The following GPM6A variants were observed in gnomAD, a reference collection of about 807,000 sequenced individuals.
The protein encoded by GPM6A is neuronal membrane glycoprotein M6-a.
Under a neutral mutation model 32.1 loss-of-function variants are expected in GPM6A, and 7 were observed. The observed-to-expected ratio is 0.22, with a 90% confidence interval of 0.12 to 0.41. GPM6A has a LOEUF of 0.41. Ranked by LOEUF, GPM6A falls within the 10% of genes least tolerant of loss-of-function variation. The probability of loss-of-function intolerance (pLI) is 1.00; values close to 1 mark genes in which losing one functional copy is unlikely to be tolerated. For synonymous variants in GPM6A, 130 were observed against 123.4 expected, an observed-to-expected ratio of 1.05 and a Z score of -0.35; for missense variants, 235 against 347.2, an observed-to-expected ratio of 0.68 and a Z score of 2.57.
At chr4:175,649,551 A>C (rs1482667109) in intron 4 of GPM6A, among the ~76,000 whole-genome samples, 1 of 152,148 alleles carries the variant, frequency 6.6e-6, no homozygotes, top group Non-Finnish European at 1.5e-5. Flanking sequence ...CTACTTAACT[A>C]TTTGCATTTA....
Position 175,988,833 on chromosome 4 carries a change from G to C in GPM6A, c.-23+13476C>G, listed in dbSNP as rs111289028. Among the ~76,000 whole-genome samples, 777 of 152,280 alleles carry C rather than the reference G, an allele frequency of 5.1e-3. 7 individuals carry two copies. The highest frequency in any genetic ancestry group is 0.017 in the African/African-American group (718 of 41,572). ...AAAGATTATACCCAATGTAGCGTGA[G>C]GGGCAGGCTCATTACTCTGATTTGT... is the stretch of plus-strand genomic sequence containing the variant. On this transcript the variant is annotated intron_variant, in intron 1 of 7. Coordinates refer to the GPM6A transcript ENST00000280187.
intron 1 of GPM6A, among the ~76,000 whole-genome samples, chr4:175,718,204 G>A (rs1046207573): frequency 1.3e-5 from 2 of 152,048 alleles, no homozygotes; most frequent in African/African-American, 4.8e-5. Flanking sequence ...AATGAGAACA[G>A]AATCCCCTAC....
At position 175,838,756 on chromosome 4, in the gene GPM6A, C is replaced by T. The variant is rs147552477; in HGVS notation, c.-22-26507G>A. 6.8e-5 allele frequency among the ~76,000 whole-genome samples: 10 copies of T among 146,214 alleles called. No homozygotes were observed. In the East Asian group the frequency reaches 1.4e-3, roughly 21 times the overall value. ...CAGAACCTTTACCTCCTGATTCAGG[C>T]GATTCTCGTGCCTCAGCCTCCCAAG... is the stretch of plus-strand genomic sequence containing the variant. On this transcript the variant is annotated intron_variant, in intron 1 of 7. Coordinates refer to the GPM6A transcript ENST00000280187.
rs370656175 is a variant in GPM6A at position 175,688,663 on chromosome 4, A to G, written c.230+12912T>C. Among the ~76,000 whole-genome samples the G allele has an allele frequency of 2.5e-3, 387 of 152,320 alleles. 4 individuals carry two copies. Among genetic ancestry groups the G allele is most frequent in the African/African-American group, 9.0e-3 (372 of 41,562 alleles). ...AAAAGAATATTTGAAACATCTCCAG[A>G]ACAAAGAAATGATAAAAATTTGAGG... is the stretch of plus-strand genomic sequence containing the variant. On this transcript the variant is annotated intron_variant, in intron 2 of 6. Coordinates refer to ENST00000393658, the MANE Select transcript of GPM6A (RefSeq NM_201591.3).
intron 1 of GPM6A, among the ~76,000 whole-genome samples, chr4:175,735,542 C>A (rs762815375): frequency 6.6e-6 from 1 of 151,930 alleles, no homozygotes; most frequent in Non-Finnish European, 1.5e-5. Flanking sequence ...TTGCAAACAA[C>A]CATTAGAACT....
intron 1 of GPM6A, among the ~76,000 whole-genome samples, chr4:175,719,224 G>A: frequency 6.7e-6 from 1 of 149,176 alleles, no homozygotes. Context: ...TTTTTAGAAG[G>A]AGTCTCGCTC....
At chr4:175,997,327 T>C (rs1428050706) in intron 1 of GPM6A, among the ~76,000 whole-genome samples, 1 of 152,226 alleles carries the variant, frequency 6.6e-6, no homozygotes, top group Non-Finnish European at 1.5e-5. Flanking sequence ...TTGGGACTCT[T>C]ATCAGACTTT....
intron 1 of GPM6A, among the ~76,000 whole-genome samples, chr4:175,977,850 T>C (rs1050489216): frequency 8.5e-5 from 13 of 152,154 alleles, no homozygotes; most frequent in Non-Finnish European, 8.8e-5. Flanking sequence ...AGAAAGAAAG[T>C]GTGACTCCCA....
chr4:175,944,472 A>G (rs1739523045), intron 1 of GPM6A, among the ~76,000 whole-genome samples: 1 of 151,962 alleles, frequency 6.6e-6, no homozygotes, highest in Admixed American at 6.6e-5. Context: ...ATGCATACTG[A>G]TTTTTATTCC....
At chr4:175,703,456 C>A (rs1341923735) in intron 1 of GPM6A, among the ~76,000 whole-genome samples, 1 of 152,166 alleles carries the variant, frequency 6.6e-6, no homozygotes, top group African/African-American at 2.4e-5. Context: ...TAAGCATGAG[C>A]CACCACGCCC....
intron 3 of GPM6A, 58 bp from the exon 4 acceptor site, chr4:175,652,045 T>C: frequency 1.4e-6 from 2 of 1,401,588 alleles, no homozygotes; most frequent in Admixed American, 2.0e-5. Flanking sequence ...AGAAGAATTT[T>C]GTGTTTAATC....
intron 1 of GPM6A, chr4:175,786,939 T>C (rs1415351609): frequency 6.1e-6 from 1 of 165,078 alleles, no homozygotes; most frequent in Non-Finnish European, 1.3e-5. Flanking sequence ...AAGAAAAATA[T>C]CTGTGGTCTT....
At position 175,948,722 on chromosome 4, in the gene GPM6A, G is replaced by T. The variant is rs1739697643; in HGVS notation, c.-23+53587C>A. The stretch of plus-strand genomic sequence containing the variant: ...ACTGGAAGTGAGAAGAATTATAATT[G>T]TGATTCTGTCTTTTCCTTCTGCAGG... On this transcript the variant is annotated intron_variant, in intron 1 of 7. Transcript: ENST00000280187. Among the ~76,000 whole-genome samples, 4 of 150,010 alleles carry T rather than the reference G, an allele frequency of 2.7e-5. No individual in the cohort carries two copies. The South Asian group carries it at 8.3e-4, about 31-fold the overall frequency.
chr4:175,798,527 T>A (rs1041417989), intron 1 of GPM6A: 4 of 152,184 alleles, frequency 2.6e-5, no homozygotes, highest in Non-Finnish European at 5.9e-5. Context: ...GATTTAACAA[T>A]GAGCAATGTG....
At chr4:175,774,976 C>T (rs1192938413) in intron 1 of GPM6A, among the ~76,000 whole-genome samples, 1 of 152,048 alleles carries the variant, frequency 6.6e-6, no homozygotes, top group Non-Finnish European at 1.5e-5. Flanking sequence ...AAAATTTTGA[C>T]CAAAATATTA....
intron 1 of GPM6A, among the ~76,000 whole-genome samples, chr4:175,769,154 C>T (rs924541727): frequency 6.6e-6 from 1 of 152,084 alleles, no homozygotes; most frequent in East Asian, 1.9e-4. Context: ...TCTATTTTCA[C>T]CCTCAATAAT....
rs1443958710 is a variant in GPM6A at position 175,905,440 on chromosome 4, A to C, written c.-22-93191T>G. ...TGTTAGTGTATTTTATGTGTGGCCC[A>C]AGACAATTCTTCTTCTTCCACTGTG... On this transcript the variant is annotated intron_variant, in intron 1 of 7. Coordinates refer to the GPM6A transcript ENST00000280187. 2.6e-5 allele frequency among the ~76,000 whole-genome samples: 4 copies of C among 152,044 alleles called. No individual in the cohort carries two copies. The East Asian group carries it at 5.8e-4, about 22-fold the overall frequency.
At chr4:176,000,523 C>T (rs1741444927) in intron 1 of GPM6A, among the ~76,000 whole-genome samples, 1 of 152,218 alleles carries the variant, frequency 6.6e-6, no homozygotes, top group African/African-American at 2.4e-5. Flanking sequence ...ATTATGAATA[C>T]CTTACCTTTG....
chr4:175,996,924 T>A (rs1741326053), intron 1 of GPM6A, among the ~76,000 whole-genome samples: 1 of 152,026 alleles, frequency 6.6e-6, no homozygotes. Context: ...TGATGCTAGA[T>A]CATAAGAATC....
Sources: gnomAD v4.1 joint callset for allele counts (sites outside exome capture counted in the v4.1 genomes callset) on GRCh38, gnomAD v4.1.1 for gene constraint, MANE v1.5 for transcripts, NCBI Gene and HGNC (gene_info 2026-07-23, HGNC 2026-07-21) for gene names.